CLIP1: variants seen among roughly 807,000 people sequenced by gnomAD.
CLIP1 encodes CAP-Gly domain-containing linker protein 1.
A neutral mutation model predicts 161.6 loss-of-function variants in CLIP1; 66 were observed. The ratio of observed to expected loss-of-function variants is 0.41; its 90% CI spans 0.33 to 0.50. CLIP1 has a LOEUF of 0.50. CLIP1 is among the 20% of genes least tolerant of loss of function. The pLI is 0.27. For synonymous variants in CLIP1, 598 were observed against 626.2 expected (o/e 0.96, Z 0.67); for missense variants, 1,376 against 1,702.0 (o/e 0.81, Z 3.37).
intron 19 of CLIP1, among the ~76,000 whole-genome samples, chr12:122,312,430 G>A (rs1278111898): frequency 6.6e-6 from 1 of 152,150 alleles, no homozygotes; most frequent in Non-Finnish European, 1.5e-5. Context: ...CTGGTTTCCA[G>A]GGGCAAGGGC....
intron 1 of CLIP1, among the ~76,000 whole-genome samples, chr12:122,422,197 G>A (rs985786853): frequency 2.4e-4 from 36 of 152,110 alleles, no homozygotes; most frequent in Non-Finnish European, 4.0e-4. Context: ...GGGAGAGAGC[G>A]GCGCCTGGGG....
intron 8 of CLIP1, among the ~76,000 whole-genome samples, chr12:122,352,074 T>TG (rs1444432195): frequency 1.3e-5 from 2 of 149,412 alleles, no homozygotes; most frequent in Non-Finnish European, 3.0e-5. Flanking sequence ...TTTTTTTTTT[T>TG]GGAGACAAAG....
intron 10 of CLIP1, chr12:122,342,694 G>A (rs1828799211): frequency 6.6e-6 from 1 of 152,036 alleles, no homozygotes; most frequent in Non-Finnish European, 1.5e-5. Context: ...GCCAGGCATG[G>A]TGGTGTCGCC....
At chr12:122,308,897 A>G (rs1421053938) in intron 20 of CLIP1, among the ~76,000 whole-genome samples, 1 of 152,184 alleles carries the variant, frequency 6.6e-6, no homozygotes, top group Non-Finnish European at 1.5e-5. Context: ...CAGTACAACT[A>G]CCCCAAACTA....
At position 122,316,974 on chromosome 12, in the gene CLIP1, A is replaced by C. The variant is rs968366931; in HGVS notation, c.3367-119T>G. ...CAGATGAAATTAGTCACTCGCAAAAAAAAAAAGTCTCCTGGGTGAAGAGAT... is the reference window on the plus strand; with the variant it reads ...CAGATGAAATTAGTCACTCGCAAAACAAAAAAGTCTCCTGGGTGAAGAGAT... On this transcript the variant is annotated intron_variant, in intron 18 of 25. Coordinates refer to ENST00000620786, the MANE Select transcript of CLIP1 (RefSeq NM_001247997.2). 1.6e-5 allele frequency: 10 copies of C among 642,180 alleles called. No homozygotes were observed. In the Admixed American group the frequency reaches 3.0e-4, roughly 19 times the overall value. 39.8% of individuals were successfully genotyped at this position (642,180 alleles called of 1,614,324 possible).
intron 21 of CLIP1, among the ~76,000 whole-genome samples, chr12:122,282,788 T>C (rs1955698006): frequency 1.3e-5 from 2 of 152,034 alleles, no homozygotes; most frequent in African/African-American, 4.8e-5. Context: ...TAAAAATATA[T>C]GAAATTTATT....
chr12:122,382,594 C>A (rs1434695658), intron 1 of CLIP1, among the ~76,000 whole-genome samples: 1 of 151,522 alleles, frequency 6.6e-6, no homozygotes, highest in Non-Finnish European at 1.5e-5. Flanking sequence ...CACCTGTAAT[C>A]CCAGGTACTC....
chr12:122,304,261 A>G (rs562208304), intron 20 of CLIP1, among the ~76,000 whole-genome samples: 1 of 152,372 alleles, frequency 6.6e-6, no homozygotes, highest in South Asian at 2.1e-4. Context: ...GAATTCAAGT[A>G]CAAATTCTCA....
At chr12:122,387,616 T>TTTTTTTTTA (rs1955384626) in intron 1 of CLIP1, among the ~76,000 whole-genome samples, 2 of 100,968 alleles carry the variant, frequency 2.0e-5, no homozygotes, top group African/African-American at 3.6e-5. Flanking sequence ...TTTTTTTTTT[T>TTTTTTTTTA]AGAAACAAGG....
At chr12:122,309,903 G>C (rs1951005530) in intron 19 of CLIP1, 21 bp from the exon 20 acceptor site, 2 of 1,612,938 alleles carry the variant, frequency 1.2e-6, no homozygotes, top group African/African-American at 1.3e-5. Flanking sequence ...AGTGAGTGCA[G>C]GGTTACCATA....
At chr12:122,402,273 A>C (rs1182397046) in intron 1 of CLIP1, among the ~76,000 whole-genome samples, 1 of 152,130 alleles carries the variant, frequency 6.6e-6, no homozygotes, top group Non-Finnish European at 1.5e-5. Flanking sequence ...GGATCACTTG[A>C]GTTCAGGATT....
At chr12:122,349,153 C>A (rs1952897057) in intron 9 of CLIP1, among the ~76,000 whole-genome samples, 1 of 152,180 alleles carries the variant, frequency 6.6e-6, no homozygotes, top group Admixed American at 6.5e-5. Context: ...AGAATCTAAT[C>A]CTTATCTACA....
rs112028644 is a variant in CLIP1 at position 122,352,352 on chromosome 12, C to T, written c.1368+374G>A. Among the ~76,000 whole-genome samples, 454 of 152,238 alleles carry T rather than the reference C, an allele frequency of 3.0e-3. 1 individual carries two copies. Among genetic ancestry groups the T allele is most frequent in the Non-Finnish European group, 5.1e-3 (344 of 68,006 alleles). On this transcript the variant is annotated intron_variant, in intron 8 of 25. Transcript: ENST00000620786. Reference sequence around the variant, plus strand: ...GATTACAGGCGTGAACCACCGCACCCGGCCTGTTATGGACTACTATGACAA... The same window carrying T: ...GATTACAGGCGTGAACCACCGCACCTGGCCTGTTATGGACTACTATGACAA...
chr12:122,277,903 A>T, intron 24 of CLIP1: 1 of 468,196 alleles, frequency 2.1e-6, no homozygotes, highest in South Asian at 3.2e-5. Context: ...AATCTCTGAA[A>T]AGGAAAGACA....
At chr12:122,273,560 A>T (rs1016736531) in intron 25 of CLIP1, among the ~76,000 whole-genome samples, 1 of 151,670 alleles carries the variant, frequency 6.6e-6, no homozygotes, top group Non-Finnish European at 1.5e-5. Flanking sequence ...CACATTTAAA[A>T]TCTTCATGTC....
chr12:122,372,813 C>T (rs1035500509), intron 3 of CLIP1, among the ~76,000 whole-genome samples: 1 of 152,032 alleles, frequency 6.6e-6, no homozygotes, highest in Non-Finnish European at 1.5e-5. Context: ...GCAATCTAGG[C>T]AAATGGATTT....
At chr12:122,373,158 C>T (rs1260376348) in intron 3 of CLIP1, among the ~76,000 whole-genome samples, 1 of 152,116 alleles carries the variant, frequency 6.6e-6, no homozygotes, top group African/African-American at 2.4e-5. Context: ...GGCGTGGTGG[C>T]TCACGCCTGT....
intron 20 of CLIP1, among the ~76,000 whole-genome samples, chr12:122,304,849 G>A (rs1453861344): frequency 6.6e-6 from 1 of 152,122 alleles, no homozygotes; most frequent in Non-Finnish European, 1.5e-5. Context: ...AATTATGATG[G>A]CTGATAACCA....
chr12:122,394,012 G>T (rs1025451895), intron 1 of CLIP1, among the ~76,000 whole-genome samples: 3 of 151,168 alleles, frequency 2.0e-5, no homozygotes, highest in African/African-American at 7.3e-5. Flanking sequence ...ACAGGGCAAT[G>T]CTTTTAAAAG....
Sources: allele counts gnomAD v4.1 joint callset (sites outside exome capture counted in the v4.1 genomes callset), GRCh38; gene constraint gnomAD v4.1.1; transcripts MANE v1.5; gene names NCBI Gene and HGNC (gene_info 2026-07-23, HGNC 2026-07-21).